GGT7: variants seen among roughly 807,000 people sequenced by gnomAD.
GGT7 encodes the protein gamma-glutamyltransferase 7.
A neutral mutation model predicts 69.2 loss-of-function variants in GGT7; 30 were observed. The observed-to-expected ratio is 0.43, with a 90% CI of 0.32 to 0.59. The LOEUF (loss-of-function observed/expected upper bound fraction) is 0.59, where lower values mean the gene tolerates loss of function less well. Ranked by LOEUF, GGT7 falls within the 20% of genes least tolerant of loss-of-function variation. GGT7 has a pLI of 0.05. For missense variants in GGT7, 733 were observed against 901.1 expected (o/e 0.81, Z 2.39); for synonymous variants, 388 against 391.8 (o/e 0.99, Z 0.12).
Position 34,855,031 on chromosome 20 carries a change from C to T in GGT7, c.1103-108G>A, listed in dbSNP as rs1008965430. The T allele has an allele frequency of 6.8e-6, 7 of 1,036,524 alleles. No individual in the cohort carries two copies. In the African/African-American group the frequency reaches 9.6e-5, roughly 14 times the overall value. 64.2% of individuals were successfully genotyped at this position (1,036,524 alleles called of 1,614,324 possible). The stretch of plus-strand genomic sequence containing the variant: ...CACACACTGAGACCACTGCGCTGAA[C>T]TCCCTCACCAGATGGGGAAACTGAA... On this transcript the variant is annotated intron_variant, in intron 8 of 14. Coordinates refer to ENST00000336431, the MANE Select transcript of GGT7 (RefSeq NM_178026.3).
intron 1 of GGT7, among the ~76,000 whole-genome samples, chr20:34,868,560 T>G (rs192456135): frequency 1.3e-5 from 2 of 152,180 alleles, no homozygotes; most frequent in Non-Finnish European, 2.9e-5. Flanking sequence ...TGGTATCTGC[T>G]TGGATACCAC....
At chr20:34,864,492 G>A (rs144660622) in intron 1 of GGT7, among the ~76,000 whole-genome samples, 12 of 152,148 alleles carry the variant, frequency 7.9e-5, no homozygotes, top group East Asian at 1.9e-4. Context: ...GGGCCGAGGC[G>A]GGTGGATCAC....
In GGT7 at chr20:34,863,714, G is replaced by A; in HGVS notation, c.170-166C>T. ...TTTTCGCGTGCACCCCAGGACAGGC[G>A]GGGCAACGGTGCCCGGCTAGGAAGA... On this transcript the variant is annotated intron_variant, in intron 1 of 14. Transcript: ENST00000336431. This position sits in a 1 kb window ranked among gnomAD's most constrained non-coding sequence, Gnocchi z 4.4. 1 of 721,066 alleles carries A rather than the reference G, an allele frequency of 1.4e-6. No homozygotes were observed. The highest frequency in any genetic ancestry group is 2.6e-6 in the Non-Finnish European group (1 of 389,354). The allele number at this position is 721,066 out of a possible 1,614,324, so 44.7% of individuals were successfully genotyped here.
In GGT7 at chr20:34,851,218, G is replaced by A; in HGVS notation, c.1725+13C>T. 1 of 1,612,344 alleles carries A rather than the reference G, an allele frequency of 6.2e-7. No homozygotes were observed. Among genetic ancestry groups the A allele is most frequent in the Non-Finnish European group, 8.5e-7 (1 of 1,179,900 alleles). On this transcript the variant is annotated intron_variant, in intron 13 of 14. Coordinates refer to ENST00000336431, the MANE Select transcript of GGT7 (RefSeq NM_178026.3). ...TCCCGGCTGAAAAAGGCCAACCATG[G>A]CGTAAACCTCACCTGTGTCAGGCCG...
chr20:34,859,820 C>A, intron 6 of GGT7, 149 bp downstream of exon 6: 1 of 771,426 alleles, frequency 1.3e-6, no homozygotes, highest in Non-Finnish European at 2.2e-6. Flanking sequence ...CGTTTGAGGC[C>A]GCCTCCAGGT....
intron 4 of GGT7, among the ~76,000 whole-genome samples, chr20:34,860,687 T>G (rs1407520661): frequency 7.0e-6 from 1 of 142,024 alleles, no homozygotes; most frequent in Non-Finnish European, 1.5e-5. Flanking sequence ...TGGAGTACAG[T>G]GGCATAGTCA....
intron 1 of GGT7, among the ~76,000 whole-genome samples, chr20:34,870,883 C>T (rs1172891228): frequency 1.3e-5 from 2 of 151,930 alleles, no homozygotes; most frequent in Non-Finnish European, 2.9e-5. Context: ...CCTCTGCCTC[C>T]CCAGTTCGAG....
rs769420871 is a variant in GGT7 at position 34,854,908 on chromosome 20, C to A, written c.1118G>T (p.Ser373Ile). ...AGGGCCCGTGTGCGGAGGTGGGGGA[C>A]TAAGAACCAGGTGGCCTGAAAGGAC... ...CGVYRGHLVL[S>I]PPPPHTGPAL... The change falls in exon 9 of 15, where the codon AGT becomes ATT. Residue 373 changes from serine to isoleucine, a missense_variant. Coordinates refer to ENST00000336431, the MANE Select transcript of GGT7 (RefSeq NM_178026.3). 1 of 1,613,896 alleles carries A rather than the reference C, an allele frequency of 6.2e-7. No individual in the cohort carries two copies. Among genetic ancestry groups the A allele is most frequent in the African/African-American group, 1.3e-5 (1 of 75,024 alleles).
intron 4 of GGT7, 176 bp downstream of exon 4, chr20:34,861,269 T>A: frequency 2.5e-6 from 1 of 401,502 alleles, no homozygotes; most frequent in Non-Finnish European, 4.4e-6. Flanking sequence ...GGTTCCAGAT[T>A]TTCTAGTTCA....
chr20:34,860,202 C>A (rs2079567009), intron 5 of GGT7, 52 bp downstream of exon 5: 5 of 1,372,660 alleles, frequency 3.6e-6, no homozygotes, highest in Non-Finnish European at 5.2e-6. Context: ...AGAAGGCCAC[C>A]CAAGGAGAGA....
chr20:34,851,619 G>C (rs1281819018), intron 12 of GGT7, among the ~76,000 whole-genome samples: 1 of 152,188 alleles, frequency 6.6e-6, no homozygotes, highest in Non-Finnish European at 1.5e-5. Context: ...GGTCACAGGA[G>C]AAAGGACCAA....
At chr20:34,858,333 T>A (rs1260558413) in intron 7 of GGT7, among the ~76,000 whole-genome samples, 1 of 152,190 alleles carries the variant, frequency 6.6e-6, no homozygotes, top group Non-Finnish European at 1.5e-5. Context: ...CACAGTGGAT[T>A]GATAATCTGG....
chr20:34,847,596 T>C (rs1433684768), intron 14 of GGT7, among the ~76,000 whole-genome samples: 2 of 152,224 alleles, frequency 1.3e-5, no homozygotes, highest in African/African-American at 4.8e-5. Flanking sequence ...AGGAACAAGT[T>C]TCAGTCTGCT....
rs1275456068 is a variant in GGT7 at position 34,863,272 on chromosome 20, C to G, written c.405+41G>C. The G allele has an allele frequency of 7.1e-7, 1 of 1,400,964 alleles. No homozygotes were observed. 86.8% of individuals were successfully genotyped at this position (1,400,964 alleles called of 1,614,324 possible). A position where few individuals can be genotyped will look rare whatever the true frequency, so the allele number is the denominator to read the frequency against. On this transcript the variant is annotated intron_variant, in intron 2 of 14. Coordinates refer to ENST00000336431, the MANE Select transcript of GGT7 (RefSeq NM_178026.3). The surrounding 1 kb of genome is among the most constrained non-coding windows in gnomAD (Gnocchi z 4.4). ...GTTCCTCAAACATTACCCCACTCCC[C>G]ACTCCCCAGTTTCCTCCCCCTCCCC... is the stretch of plus-strand genomic sequence containing the variant.
In GGT7 at chr20:34,851,239, G is replaced by A. The variant is rs779304038; in HGVS notation, c.1717C>T (p.Leu573=). ...CATGGCGTAAACCTCACCTGTGTCAGGCCGCTGAGGCCCCGCGCAGCTCCA... is the reference window on the plus strand; with the variant it reads ...CATGGCGTAAACCTCACCTGTGTCAAGCCGCTGAGGCCCCGCGCAGCTCCA... ...ANGAARGLSG[L]TQVLLNVLTL... is the part of the protein sequence containing the mutation. The change falls in exon 13 of 15, where the codon CTG becomes TTG. Residue 573 remains leucine (L), a synonymous_variant. Transcript: ENST00000336431. The A allele has an allele frequency of 4.3e-6, 7 of 1,613,280 alleles. No homozygotes were observed. The highest frequency in any genetic ancestry group is 5.9e-6 in the Non-Finnish European group (7 of 1,179,988).
intron 14 of GGT7, among the ~76,000 whole-genome samples, chr20:34,849,162 T>C (rs1279097481): frequency 7.8e-6 from 1 of 128,966 alleles, no homozygotes; most frequent in African/African-American, 3.2e-5. Flanking sequence ...TCTCTCTTAC[T>C]TTTTTTTTTT....
chr20:34,851,088 C>A, intron 13 of GGT7, 143 bp downstream of exon 13: 1 of 994,996 alleles, frequency 1.0e-6, no homozygotes, highest in Non-Finnish European at 1.5e-6. Flanking sequence ...CCACATTGCC[C>A]AGGATGCGCC....
Position 34,861,504 on chromosome 20 carries a change from G to A in GGT7, c.616C>T (p.Arg206Trp), listed in dbSNP as rs1385647005. 2.6e-6 allele frequency: 4 copies of A among 1,546,142 alleles called. No individual in the cohort carries two copies. Among genetic ancestry groups the A allele is most frequent in the Non-Finnish European group, 3.5e-6 (4 of 1,135,158 alleles). ...RRNESHLIDF[R>W]ESAPGALREE... Reference sequence around the variant, plus strand: ...CTGAGGGCCCCTGGTGCGGACTCCCGGAAATCAATTAGGTGGCTCTCATTT... The same window carrying A: ...CTGAGGGCCCCTGGTGCGGACTCCCAGAAATCAATTAGGTGGCTCTCATTT... Residue 206 changes from arginine (R) to tryptophan (W), a missense_variant, in exon 4 of 15, where the codon CGG (arginine) becomes TGG (tryptophan). Coordinates refer to ENST00000336431, the MANE Select transcript of GGT7 (RefSeq NM_178026.3).
At chr20:34,853,340 GGTGTGT>G (rs10527077) in intron 10 of GGT7, among the ~76,000 whole-genome samples, 9,900 of 147,332 alleles carry the variant, frequency 0.067, 395 homozygotes, top group Non-Finnish European at 0.097. Flanking sequence ...ATTTCATATA[GGTGTGT>G]GTGTGTGTGT....
Sources: gnomAD v4.1 joint callset for allele counts (sites outside exome capture counted in the v4.1 genomes callset) on GRCh38, gnomAD v4.1.1 for gene constraint, Gnocchi (gnomAD v3.1) non-coding constraint, MANE v1.5 for transcripts, NCBI Gene and HGNC (gene_info 2026-07-23, HGNC 2026-07-21) for gene names.